FAM227B: variants seen among roughly 807,000 people sequenced by gnomAD.
The protein encoded by FAM227B is family with sequence similarity 227 member B, also known as protein FAM227B.
FAM227B carries 88 observed loss-of-function variants against 73.8 expected under a neutral mutation model. That is an observed-to-expected ratio of 1.19 (90% CI 1.00 to 1.42). The LOEUF is 1.42. Ranked by LOEUF, FAM227B falls within the 40% of genes most tolerant of loss-of-function variation. The probability of loss-of-function intolerance (pLI) is 0.00; values close to 1 mark genes in which losing one functional copy is unlikely to be tolerated. For missense variants in FAM227B, 632 were observed against 590.9 expected, an observed-to-expected ratio of 1.07 and a Z score of -0.72; for synonymous variants, 210 against 190.5, an observed-to-expected ratio of 1.10 and a Z score of -0.84.
chr15:49,509,425 AAGAG>A (rs1456776143), intron 10 of FAM227B, among the ~76,000 whole-genome samples: 1 of 152,036 alleles, frequency 6.6e-6, no homozygotes, highest in African/African-American at 2.4e-5. Flanking sequence ...CTGATATATA[AAGAG>A]AGAGAGGGAT....
rs539206291 is a variant in FAM227B, at chr15:49,546,293, AT to A, written c.748-4488del. On this transcript the variant is annotated intron_variant, in intron 9 of 15. Coordinates refer to ENST00000299338, the MANE Select transcript of FAM227B (RefSeq NM_152647.3). ...TCCCTACAAAGGACATGAACTCATC[AT>A]TTTTTATGGCTCCATAGTATTCCAT... Among the ~76,000 whole-genome samples the A allele has an allele frequency of 3.5e-3, 529 of 152,202 alleles. 3 individuals are homozygous for A. Among genetic ancestry groups the A allele is most frequent in the Non-Finnish European group, 6.6e-3 (452 of 67,998 alleles).
In FAM227B at chr15:49,367,531, A is replaced by T. The variant is rs756585144; in HGVS notation, c.1188T>A (p.Tyr396Ter). 1.2e-6 allele frequency: 2 copies of T among 1,608,040 alleles called. No homozygotes were observed. Among genetic ancestry groups the T allele is most frequent in the Non-Finnish European group, 1.7e-6 (2 of 1,178,646 alleles). The change falls in exon 13 of 16, where the codon TAT (tyrosine) becomes TAA (stop). Residue 396 changes from tyrosine to a stop codon, truncating the protein, a stop_gained. Coordinates refer to ENST00000299338, the MANE Select transcript of FAM227B (RefSeq NM_152647.3). LOFTEE classifies it high-confidence loss of function. ...NFGGQSPLIL[Y>*]YLKMHELAGI... ...CAGCCAGCTCATGCATCTTAAGATA[A>T]TATAAAATCAATGGACTCTGACCTC...
intron 3 of FAM227B, among the ~76,000 whole-genome samples, chr15:49,605,779 G>A (rs2077481952): frequency 6.6e-6 from 1 of 152,110 alleles, no homozygotes; most frequent in East Asian, 1.9e-4. Flanking sequence ...TGGAGCCTGG[G>A]TCCTCATGTG....
intron 11 of FAM227B, among the ~76,000 whole-genome samples, chr15:49,428,739 T>C (rs1015489463): frequency 6.6e-5 from 10 of 152,036 alleles, no homozygotes; most frequent in African/African-American, 1.2e-4. Context: ...TAATAGTCAA[T>C]ATCATCTACT....
Position 49,535,411 on chromosome 15 carries a change from G to A in FAM227B, c.874+6269C>T, listed in dbSNP as rs190309379. On this transcript the variant is annotated intron_variant, in intron 10 of 15. Transcript: ENST00000299338. Reference sequence around the variant, plus strand: ...CTGGAACATACCAACAACAAATAAAGACATTGAAAAGGTAATTAAAAACCT... The same window carrying A: ...CTGGAACATACCAACAACAAATAAAAACATTGAAAAGGTAATTAAAAACCT... 3.4e-4 allele frequency among the ~76,000 whole-genome samples: 51 copies of A among 151,712 alleles called. 1 individual carries two copies. The South Asian group carries it at 1.0e-2, about 30-fold the overall frequency.
At position 49,508,220 on chromosome 15, in the gene FAM227B, T is replaced by C. The variant is rs531301834; in HGVS notation, c.1003A>G (p.Ile335Val). The C allele has an allele frequency of 2.5e-6, 4 of 1,606,460 alleles. No individual in the cohort carries two copies. The highest frequency in any genetic ancestry group is 2.7e-5 in the African/African-American group (2 of 74,542). ...CAGAAACTTTACTTACTAGTTGATA[T>C]ATGTTCTTGACTGTCTGCAATTCTT... ...KERIADSQEH[I>V]STSIDFNIIK... The change falls in exon 11 of 16, where the codon ATA (isoleucine) becomes GTA (valine). Residue 335 changes from isoleucine to valine, a missense_variant. Ile to Val is a conservative substitution (Grantham distance 29). Coordinates refer to ENST00000299338, the MANE Select transcript of FAM227B (RefSeq NM_152647.3).
At chr15:49,581,623 A>G (rs2075819248) in intron 5 of FAM227B, among the ~76,000 whole-genome samples, 1 of 152,156 alleles carries the variant, frequency 6.6e-6, no homozygotes, top group Admixed American at 6.6e-5. Flanking sequence ...AGATGTATTC[A>G]GTATTCTTAA....
intron 10 of FAM227B, among the ~76,000 whole-genome samples, chr15:49,537,456 A>G (rs957041090): frequency 6.6e-6 from 1 of 152,172 alleles, no homozygotes; most frequent in Non-Finnish European, 1.5e-5. Context: ...ACCCTTGTAC[A>G]CTACTGGTAA....
intron 11 of FAM227B, among the ~76,000 whole-genome samples, chr15:49,445,670 GA>G (rs548823423): frequency 1.3e-5 from 2 of 151,322 alleles, no homozygotes; most frequent in South Asian, 2.1e-4. Context: ...TCAATTGAAA[GA>G]AAAAAATAAA....
intron 11 of FAM227B, among the ~76,000 whole-genome samples, chr15:49,464,669 C>T (rs763935203): frequency 2.6e-5 from 4 of 152,016 alleles, no homozygotes; most frequent in African/African-American, 9.7e-5. Context: ...CAGATGTTCC[C>T]ATAAAAATGT....
At chr15:49,464,505 T>C (rs575311159) in intron 11 of FAM227B, among the ~76,000 whole-genome samples, 7 of 152,282 alleles carry the variant, frequency 4.6e-5, no homozygotes, top group African/African-American at 1.7e-4. Context: ...CTAATGATGA[T>C]AAAATGCTGG....
At chr15:49,419,407 A>G (rs1362170336) in intron 11 of FAM227B, among the ~76,000 whole-genome samples, 1 of 152,224 alleles carries the variant, frequency 6.6e-6, no homozygotes, top group African/African-American at 2.4e-5. Context: ...GTTTTACCCT[A>G]GTCAGGAAGC....
At chr15:49,338,727 A>G (rs1253395663) in intron 13 of FAM227B, among the ~76,000 whole-genome samples, 1 of 152,192 alleles carries the variant, frequency 6.6e-6, no homozygotes, top group Non-Finnish European at 1.5e-5. Flanking sequence ...GTGTTTTCCA[A>G]CTTGGTTCCA....
rs2038643488 is a variant in FAM227B at position 49,331,086 on chromosome 15, C to T, written c.1419+694G>A. 3 of 152,364 alleles carry T rather than the reference C, an allele frequency of 2.0e-5. No individual in the cohort carries two copies. The South Asian group carries it at 6.2e-4, about 32-fold the overall frequency. 9.4% of individuals were successfully genotyped at this position (152,364 alleles called of 1,614,324 possible). ...GCCCCATGTAGGAATTTGATTTGAT[C>T]CATTTTTGACATTATACTAGCAGCC... On this transcript the variant is annotated intron_variant, in intron 15 of 15. Transcript: ENST00000299338.
intron 11 of FAM227B, among the ~76,000 whole-genome samples, chr15:49,475,706 G>C (rs1414637339): frequency 6.6e-6 from 1 of 151,982 alleles, no homozygotes; most frequent in Non-Finnish European, 1.5e-5. Context: ...TTTACAGCTG[G>C]GGCGGGCACG....
intron 11 of FAM227B, chr15:49,485,020 C>A (rs2056289032): frequency 6.6e-6 from 1 of 151,892 alleles, no homozygotes; most frequent in African/African-American, 2.4e-5. Flanking sequence ...AAATTATAAT[C>A]TACTTAAACT....
intron 10 of FAM227B, among the ~76,000 whole-genome samples, chr15:49,510,744 T>TC (rs1567444269): frequency 6.6e-6 from 1 of 152,140 alleles, no homozygotes; most frequent in African/African-American, 2.4e-5. Flanking sequence ...TGGTTTTTTT[T>TC]CTCCAATAAC....
chr15:49,539,699 C>G (rs997179736), intron 10 of FAM227B, among the ~76,000 whole-genome samples: 1 of 152,276 alleles, frequency 6.6e-6, no homozygotes, highest in African/African-American at 2.4e-5. Flanking sequence ...GATCTGGGGT[C>G]CAGAGCATGG....
chr15:49,533,917 T>C (rs1384393469), intron 10 of FAM227B, among the ~76,000 whole-genome samples: 1 of 151,906 alleles, frequency 6.6e-6, no homozygotes, highest in African/African-American at 2.4e-5. Flanking sequence ...TTTTTCGTTT[T>C]CTGGTTGTTT....
Sources: gnomAD v4.1 joint callset for allele counts (sites outside exome capture counted in the v4.1 genomes callset) on GRCh38, gnomAD v4.1.1 for gene constraint, MANE v1.5 for transcripts, NCBI Gene and HGNC (gene_info 2026-07-23, HGNC 2026-07-21) for gene names.